Variants in IL17RD observed in about 807,000 individuals in gnomAD.
IL17RD encodes interleukin-17 receptor D.
A neutral mutation model predicts 80.5 loss-of-function variants in IL17RD; 52 were observed. The observed-to-expected ratio is 0.65, with a 90% confidence interval of 0.52 to 0.81. IL17RD has a LOEUF of 0.81. Ranked by LOEUF, IL17RD falls within the 40% of genes least tolerant of loss-of-function variation. IL17RD has a pLI of 0.00. For missense variants in IL17RD, 1,024 were observed against 955.1 expected (o/e 1.07, Z -0.95); for synonymous variants, 416 against 391.8 (o/e 1.06, Z -0.73).
chr3:57,137,207 C>T (rs1417102427), intron 1 of IL17RD, among the ~76,000 whole-genome samples: 1 of 152,176 alleles, frequency 6.6e-6, no homozygotes, highest in African/African-American at 2.4e-5. Context: ...AAACACTTCC[C>T]ACATCCCTGG....
Position 57,130,492 on chromosome 3 carries a change from T to G in IL17RD, c.127-10179A>C, listed in dbSNP as rs572889218. The stretch of plus-strand genomic sequence containing the variant: ...TCTCCCATTCATTCTGACTAGAATG[T>G]TCTAAGCTAAAGCCAGAGTGACCCT... On this transcript the variant is annotated intron_variant, in intron 1 of 12. Coordinates refer to ENST00000296318, the MANE Select transcript of IL17RD (RefSeq NM_017563.5). 2.8e-4 allele frequency among the ~76,000 whole-genome samples: 42 copies of G among 152,318 alleles called. 1 individual carries two copies. The highest frequency in any genetic ancestry group is 2.6e-3 in the Admixed American group (40 of 15,298).
intron 1 of IL17RD, among the ~76,000 whole-genome samples, chr3:57,127,273 A>AAAAAATATAT (rs1707491060): frequency 1.2e-5 from 1 of 81,378 alleles, no homozygotes; most frequent in Non-Finnish European, 2.1e-5. Context: ...AATATATATA[A>AAAAAATATAT]AAATATATAT....
chr3:57,140,892 A>C (rs1339793363), intron 1 of IL17RD, among the ~76,000 whole-genome samples: 1 of 140,466 alleles, frequency 7.1e-6, no homozygotes, highest in Non-Finnish European at 1.5e-5. Flanking sequence ...TGACCTTCAC[A>C]CTTTTTTTTT....
chr3:57,106,313 A>G (rs1706964899), intron 5 of IL17RD, among the ~76,000 whole-genome samples, 159 bp from the exon 6 acceptor site: 1 of 152,232 alleles, frequency 6.6e-6, no homozygotes, highest in Non-Finnish European at 1.5e-5. Flanking sequence ...GTGCAGTTGT[A>G]TCTTATGAAA....
chr3:57,117,632 ATTGT>A (rs1416281077), intron 2 of IL17RD, among the ~76,000 whole-genome samples: 1 of 152,202 alleles, frequency 6.6e-6, no homozygotes, highest in Non-Finnish European at 1.5e-5. Context: ...AAACCCAGTA[ATTGT>A]TTCTTAGTTA....
intron 12 of IL17RD, 54 bp from the exon 13 acceptor site, chr3:57,096,559 G>T: frequency 1.6e-6 from 2 of 1,238,378 alleles, no homozygotes; most frequent in Non-Finnish European, 2.4e-6. Context: ...CACTGGGCTG[G>T]GCAGGTGCTC....
chr3:57,103,250 G>T, intron 8 of IL17RD, 105 bp from the exon 9 acceptor site: 1 of 887,422 alleles, frequency 1.1e-6, no homozygotes, highest in Non-Finnish European at 1.8e-6. Flanking sequence ...TGGGCAGTGC[G>T]GGAAGGGGTG....
At chr3:57,123,814 C>G (rs748127250) in intron 1 of IL17RD, among the ~76,000 whole-genome samples, 3 of 152,146 alleles carry the variant, frequency 2.0e-5, no homozygotes, top group Non-Finnish European at 4.4e-5. Flanking sequence ...GAGGCCGAGG[C>G]AGGTGGATCA....
chr3:57,146,098 C>T (rs1471399855), intron 1 of IL17RD, among the ~76,000 whole-genome samples: 2 of 152,060 alleles, frequency 1.3e-5, no homozygotes, highest in Non-Finnish European at 1.5e-5. Context: ...TACAAAGGAA[C>T]AAAGGTTTGC....
At chr3:57,126,846 G>A (rs968794783) in intron 1 of IL17RD, among the ~76,000 whole-genome samples, 1 of 151,172 alleles carries the variant, frequency 6.6e-6, no homozygotes, top group African/African-American at 2.4e-5. Flanking sequence ...TTTTTTTGAG[G>A]CGGAGTCTTG....
upstream of IL17RD, among the ~76,000 whole-genome samples, chr3:57,166,644 C>T (rs2060349762): frequency 1.3e-5 from 2 of 152,196 alleles, no homozygotes; most frequent in African/African-American, 4.8e-5. Flanking sequence ...TATGGTGGCT[C>T]TTATGCAAAG....
At position 57,098,226 on chromosome 3, in the gene IL17RD, C is replaced by A. The variant is rs377603409; in HGVS notation, c.1477G>T (p.Asp493Tyr). The part of the protein sequence containing the change: ...SCEGDVPGIL[D>Y]LSTKYRLMDN... ...ATGAGTCTGTACTTGGTACTCAGGTCTAGGATACCGGGGACGTCTCCCTCG... is the reference window on the plus strand; with the variant it reads ...ATGAGTCTGTACTTGGTACTCAGGTATAGGATACCGGGGACGTCTCCCTCG... Residue 493 changes from aspartate to tyrosine, a missense_variant, in exon 12 of 13, where the codon GAC becomes TAC. By Grantham distance (160) the Asp-to-Tyr change is radical. Coordinates refer to ENST00000296318, the MANE Select transcript of IL17RD (RefSeq NM_017563.5). 1.5e-5 allele frequency: 24 copies of A among 1,613,772 alleles called. No individual in the cohort carries two copies. Among genetic ancestry groups the A allele is most frequent in the Non-Finnish European group, 1.9e-5 (23 of 1,179,866 alleles).
At chr3:57,167,815 T>C (rs1452728588), upstream of IL17RD, among the ~76,000 whole-genome samples, 1 of 152,174 alleles carries the variant, frequency 6.6e-6, no homozygotes, top group Non-Finnish European at 1.5e-5. Flanking sequence ...TATGTATTTG[T>C]TGGCCATTTG....
intron 5 of IL17RD, among the ~76,000 whole-genome samples, chr3:57,107,268 A>G (rs1410971879): frequency 1.3e-5 from 2 of 151,966 alleles, no homozygotes; most frequent in Non-Finnish European, 2.9e-5. Flanking sequence ...AGTCCCAGCT[A>G]CTCAGGAGGC....
chr3:57,133,240 G>A (rs1288915922), intron 1 of IL17RD, among the ~76,000 whole-genome samples: 1 of 152,184 alleles, frequency 6.6e-6, no homozygotes, highest in Non-Finnish European at 1.5e-5. Flanking sequence ...TAAAATAGCA[G>A]GCAATCGGAA....
intron 1 of IL17RD, among the ~76,000 whole-genome samples, chr3:57,142,213 T>G (rs971816162): frequency 4.6e-5 from 7 of 152,222 alleles, no homozygotes; most frequent in African/African-American, 1.7e-4. Context: ...TTTATTAAAC[T>G]ATGCAAGCAC....
At chr3:57,150,354 G>C (rs1251842562) in intron 1 of IL17RD, 1 of 152,436 alleles carries the variant, frequency 6.6e-6, no homozygotes, top group South Asian at 2.1e-4. Context: ...AGGGTGCTTG[G>C]AAGGCAGGGC....
chr3:57,128,104 T>C (rs916406891), intron 1 of IL17RD, among the ~76,000 whole-genome samples: 1 of 152,136 alleles, frequency 6.6e-6, no homozygotes, highest in African/African-American at 2.4e-5. Flanking sequence ...CTCTCTCAAA[T>C]TGAGATGCAA....
rs570359962 is a variant in IL17RD at position 57,118,750 on chromosome 3, T to C, written c.184+1506A>G. 2.0e-4 allele frequency among the ~76,000 whole-genome samples: 31 copies of C among 152,314 alleles called. No individual in the cohort carries two copies. In the South Asian group the frequency reaches 6.2e-3, roughly 31 times the overall value. ...GGACTGGCTTCTATATTAATAGATA[T>C]CAATTTAATGAATGTACATTGCAGT... On this transcript the variant is annotated intron_variant, in intron 2 of 12. Transcript: ENST00000296318.
Sources: allele counts gnomAD v4.1 joint callset (sites outside exome capture counted in the v4.1 genomes callset), GRCh38; gene constraint gnomAD v4.1.1; transcripts MANE v1.5; gene names NCBI Gene and HGNC (gene_info 2026-07-23, HGNC 2026-07-21).